RCBTB1: variants seen among roughly 807,000 people sequenced by gnomAD.
RCBTB1 encodes the protein RCC1 and BTB domain containing protein 1, also known as RCC1 and BTB domain-containing protein 1.
In RCBTB1, 46 loss-of-function variants were observed where a neutral mutation model predicts 62.4. The ratio of observed to expected loss-of-function variants is 0.74; its 90% CI spans 0.58 to 0.94. RCBTB1 has a LOEUF of 0.94. RCBTB1 is among the 40% of genes least tolerant of loss of function. The probability of loss-of-function intolerance (pLI) is 0.00; values close to 1 mark genes in which losing one functional copy is unlikely to be tolerated. For synonymous variants in RCBTB1, 222 were observed against 245.8 expected (o/e 0.90, Z 0.91); for missense variants, 565 against 654.9 (o/e 0.86, Z 1.50).
intron 12 of RCBTB1, chr13:49,537,919 T>C (rs966624704): frequency 6.6e-6 from 1 of 152,234 alleles, no homozygotes; most frequent in Non-Finnish European, 1.5e-5. Flanking sequence ...GTTGCTTTAA[T>C]GTGTGTACAT....
intron 1 of RCBTB1, among the ~76,000 whole-genome samples, chr13:49,584,058 G>A (rs1283619393): frequency 6.6e-6 from 1 of 152,216 alleles, no homozygotes; most frequent in Admixed American, 6.5e-5. Context: ...TGACTCCCAG[G>A]AAAAGGAGGG....
At chr13:49,569,040 C>T (rs1963218716) in intron 2 of RCBTB1, among the ~76,000 whole-genome samples, 1 of 152,214 alleles carries the variant, frequency 6.6e-6, no homozygotes, top group African/African-American at 2.4e-5. Context: ...ATTTAATCCT[C>T]ACTTTACCAA....
chr13:49,559,467 T>C lies in RCBTB1; in HGVS notation c.444+451A>G, dbSNP rs550324087. ...GTCAGGAGATCGAGACCATCCTGGCTAACACGGTGAAACCCTGTCTCTACT... is the reference window on the plus strand; with the variant it reads ...GTCAGGAGATCGAGACCATCCTGGCCAACACGGTGAAACCCTGTCTCTACT... On this transcript the variant is annotated intron_variant, in intron 5 of 12. Coordinates refer to ENST00000378302, the MANE Select transcript of RCBTB1 (RefSeq NM_018191.4). Among the ~76,000 whole-genome samples, 33 of 152,074 alleles carry C rather than the reference T, an allele frequency of 2.2e-4. No individual in the cohort carries two copies. The East Asian group carries it at 3.9e-3, about 18-fold the overall frequency.
At chr13:49,579,517 T>G (rs7994516) in intron 2 of RCBTB1, among the ~76,000 whole-genome samples, 1 of 151,858 alleles carries the variant, frequency 6.6e-6, no homozygotes, top group East Asian at 1.9e-4. Context: ...CCAGCTACTC[T>G]GGAGGCTGAG....
At chr13:49,557,122 T>C (rs984739528) in intron 5 of RCBTB1, among the ~76,000 whole-genome samples, 1 of 152,194 alleles carries the variant, frequency 6.6e-6, no homozygotes, top group African/African-American at 2.4e-5. Flanking sequence ...CACTTATAAG[T>C]TGTCCTACTT....
At chr13:49,556,600 G>A (rs950074687) in intron 5 of RCBTB1, among the ~76,000 whole-genome samples, 18 of 152,052 alleles carry the variant, frequency 1.2e-4, no homozygotes, top group Non-Finnish European at 2.5e-4. Flanking sequence ...CTAAGCCCCC[G>A]CTCCCCACCC....
At chr13:49,562,398 G>A (rs1286996298) in intron 4 of RCBTB1, among the ~76,000 whole-genome samples, 1 of 151,562 alleles carries the variant, frequency 6.6e-6, no homozygotes, top group African/African-American at 2.4e-5. Flanking sequence ...AAGCTGAGGT[G>A]GGAGGATTGC....
At chr13:49,578,845 A>C (rs1226052346) in intron 2 of RCBTB1, among the ~76,000 whole-genome samples, 1 of 152,236 alleles carries the variant, frequency 6.6e-6, no homozygotes, top group African/African-American at 2.4e-5. Context: ...TAAATGTTCC[A>C]TTTGAGCACA....
At chr13:49,544,686 CAAAG>C (rs1566219977) in intron 10 of RCBTB1, 47 bp downstream of exon 10, 3 of 1,514,424 alleles carry the variant, frequency 2.0e-6, no homozygotes, top group South Asian at 1.2e-5. Context: ...TGTGGAATAA[CAAAG>C]AAAGAAAAGT....
intron 4 of RCBTB1, among the ~76,000 whole-genome samples, chr13:49,561,534 T>C (rs1381942178): frequency 6.6e-6 from 1 of 152,148 alleles, no homozygotes; most frequent in Non-Finnish European, 1.5e-5. Context: ...AACTAATGAG[T>C]GTTTTAACCC....
At chr13:49,562,371 A>T (rs2137287679) in intron 4 of RCBTB1, among the ~76,000 whole-genome samples, 1 of 152,112 alleles carries the variant, frequency 6.6e-6, no homozygotes, top group South Asian at 2.1e-4. Flanking sequence ...TCACACCTGT[A>T]ATCCCAGCAC....
intron 6 of RCBTB1, 143 bp from the exon 7 acceptor site, chr13:49,552,428 G>T (rs1961452986): frequency 1.7e-6 from 1 of 577,094 alleles, no homozygotes; most frequent in South Asian, 2.2e-5. Flanking sequence ...TCTCCAAACA[G>T]AAGCTATTTT....
chr13:49,541,713 G>A lies in RCBTB1; in HGVS notation c.1287C>T (p.Tyr429=), dbSNP rs750700899. 6.8e-5 allele frequency: 109 copies of A among 1,613,804 alleles called. No individual in the cohort carries two copies. The highest frequency in any genetic ancestry group is 9.1e-5 in the Non-Finnish European group (107 of 1,179,976). ...PVYRAFLQYL[Y]TDTVDLPPED... is the part of the protein sequence containing the mutation. ...CTGGCGGCAGGTCGACTGTGTCTGT[G>A]TAGAGGTACTGGAGAAAGGCACGAT... is the stretch of plus-strand genomic sequence containing the variant. Residue 429 remains tyrosine, a synonymous_variant, in exon 11 of 13, where the codon TAC becomes TAT. Transcript: ENST00000378302.
intron 2 of RCBTB1, among the ~76,000 whole-genome samples, chr13:49,568,763 T>C (rs1471940878): frequency 6.6e-6 from 1 of 152,090 alleles, no homozygotes; most frequent in South Asian, 2.1e-4. Context: ...ACCTTATCTC[T>C]ACTAAAAATA....
intron 6 of RCBTB1, among the ~76,000 whole-genome samples, chr13:49,553,419 GAT>G (rs1961555408): frequency 6.6e-6 from 1 of 152,154 alleles, no homozygotes; most frequent in South Asian, 2.1e-4. Flanking sequence ...ACTAAGGAGT[GAT>G]AGGGGGATCA....
At chr13:49,576,859 A>G (rs867468889) in intron 2 of RCBTB1, among the ~76,000 whole-genome samples, 1 of 151,940 alleles carries the variant, frequency 6.6e-6, no homozygotes, top group Admixed American at 6.6e-5. Context: ...TTTTAACTGT[A>G]TAAAGATAAA....
intron 1 of RCBTB1, among the ~76,000 whole-genome samples, chr13:49,581,344 T>C (rs778082215): frequency 1.3e-5 from 2 of 152,174 alleles, no homozygotes; most frequent in Non-Finnish European, 2.9e-5. Flanking sequence ...CAAGGAGCAC[T>C]GGATAAGCAG....
At position 49,559,782 on chromosome 13, in the gene RCBTB1, A is replaced by G. The variant is rs7338090; in HGVS notation, c.444+136T>C. ...AGTTCTGTGGGTGCATGCTGGTGAC[A>G]GTTGTATGACAAGGTGAACATACTT... On this transcript the variant is annotated intron_variant, in intron 5 of 12. Coordinates refer to ENST00000378302, the MANE Select transcript of RCBTB1 (RefSeq NM_018191.4). The G allele has an allele frequency of 0.18, 128,722 of 707,888 alleles. 15,050 individuals carry two copies. Among genetic ancestry groups the G allele is most frequent in the African/African-American group, 0.44 (23,775 of 54,414 alleles). 43.9% of individuals were successfully genotyped at this position (707,888 alleles called of 1,614,324 possible). A position where few individuals can be genotyped will look rare whatever the true frequency, so the allele number is the denominator to read the frequency against.
intron 4 of RCBTB1, among the ~76,000 whole-genome samples, chr13:49,561,103 G>A (rs538213486): frequency 3.9e-5 from 6 of 152,218 alleles, no homozygotes; most frequent in African/African-American, 1.2e-4. Context: ...CAGCACCCCC[G>A]AGTGCCAAGG....
Sources: gnomAD v4.1 joint callset for allele counts (sites outside exome capture counted in the v4.1 genomes callset) on GRCh38, gnomAD v4.1.1 for gene constraint, MANE v1.5 for transcripts, NCBI Gene and HGNC (gene_info 2026-07-23, HGNC 2026-07-21) for gene names.